ANKS1B: variants seen among roughly 807,000 people sequenced by gnomAD.
ANKS1B encodes ankyrin repeat and sterile alpha motif domain containing 1B.
A neutral mutation model predicts 148.3 loss-of-function variants in ANKS1B; 36 were observed. The observed-to-expected ratio is 0.24, with a 90% CI of 0.19 to 0.32. ANKS1B has a LOEUF of 0.32. Among genes scored for constraint, ANKS1B ranks in the 10% least tolerant of loss-of-function variants. The pLI is 1.00. For missense variants in ANKS1B, 1,157 were observed against 1,542.6 expected (o/e 0.75, Z 4.19); for synonymous variants, 542 against 560.8 (o/e 0.97, Z 0.47).
rs1330793920 is a variant in ANKS1B at position 99,124,592 on chromosome 12, T to G, written c.2526+29697A>C. 3.3e-5 allele frequency among the ~76,000 whole-genome samples: 5 copies of G among 152,288 alleles called. No homozygotes were observed. In the South Asian group the frequency reaches 1.0e-3, roughly 32 times the overall value. The stretch of plus-strand genomic sequence containing the variant: ...GAGATGTCTGGGCTAAAGATACAAC[T>G]GTAAGAGTCATCAGTTTATAGATGT... On this transcript the variant is annotated intron_variant, in intron 15 of 26. Transcript: ENST00000683438.
At chr12:99,657,468 GC>G (rs1402582628) in intron 8 of ANKS1B, among the ~76,000 whole-genome samples, 2 of 152,034 alleles carry the variant, frequency 1.3e-5, no homozygotes, top group African/African-American at 4.8e-5. Flanking sequence ...AGAGCATTTT[GC>G]CTTCTGTGAC....
intron 15 of ANKS1B, chr12:99,097,384 T>G (rs1371215826): frequency 6.6e-6 from 1 of 152,144 alleles, no homozygotes; most frequent in Non-Finnish European, 1.5e-5. Context: ...AGACATCTGA[T>G]AATCTAAAAG....
intron 1 of ANKS1B, among the ~76,000 whole-genome samples, chr12:99,826,690 T>C (rs2083229442): frequency 6.6e-6 from 1 of 152,200 alleles, no homozygotes; most frequent in South Asian, 2.1e-4. Flanking sequence ...CTTACTTACA[T>C]TACATAGGTT....
chr12:98,841,124 T>C (rs561807078), intron 17 of ANKS1B, among the ~76,000 whole-genome samples: 58 of 152,216 alleles, frequency 3.8e-4, no homozygotes, highest in Non-Finnish European at 7.4e-4. Context: ...GGGTATTTTC[T>C]AACTTTATTT....
chr12:99,584,331 G>A (rs1247494975), intron 9 of ANKS1B, among the ~76,000 whole-genome samples: 1 of 152,172 alleles, frequency 6.6e-6, no homozygotes, highest in Non-Finnish European at 1.5e-5. Context: ...CAGGCACCAT[G>A]GCTCACATCT....
chr12:99,892,097 A>G (rs191343213), intron 1 of ANKS1B, among the ~76,000 whole-genome samples: 1 of 152,194 alleles, frequency 6.6e-6, no homozygotes, highest in Admixed American at 6.5e-5. Context: ...TCCGCCTCCC[A>G]GGTTCAAGCA....
chr12:99,314,489 G>T (rs1443358368), intron 12 of ANKS1B, among the ~76,000 whole-genome samples: 2 of 152,078 alleles, frequency 1.3e-5, no homozygotes, highest in Non-Finnish European at 2.9e-5. Flanking sequence ...AACAAAGCTG[G>T]AGTCATCATG....
intron 1 of ANKS1B, among the ~76,000 whole-genome samples, chr12:99,841,624 G>A (rs987217593): frequency 6.6e-6 from 1 of 152,016 alleles, no homozygotes; most frequent in Non-Finnish European, 1.5e-5. Context: ...TCTAGGATTG[G>A]CACTTTTGTG....
Position 98,784,711 on chromosome 12 carries a change from G to A in ANKS1B, c.3343-2574C>T, listed in dbSNP as rs189846514. On this transcript the variant is annotated intron_variant, in intron 22 of 26. Transcript: ENST00000683438. The stretch of plus-strand genomic sequence containing the variant: ...CTTGAGCTGACATGAAGGCATCAGC[G>A]GTGGTTCCTGTGATGGTACAAAGAT... 2.0e-3 allele frequency among the ~76,000 whole-genome samples: 298 copies of A among 152,258 alleles called. 2 individuals are homozygous for A. Among genetic ancestry groups the A allele is most frequent in the African/African-American group, 7.0e-3 (289 of 41,554 alleles).
chr12:99,793,717 G>A (rs750542700), intron 4 of ANKS1B, among the ~76,000 whole-genome samples: 2 of 151,816 alleles, frequency 1.3e-5, no homozygotes, highest in Non-Finnish European at 2.9e-5. Context: ...CTCTGAAACT[G>A]CTACCAAAAA....
chr12:98,856,248 A>C (rs1304722131), intron 17 of ANKS1B, among the ~76,000 whole-genome samples: 1 of 152,214 alleles, frequency 6.6e-6, no homozygotes, highest in African/African-American at 2.4e-5. Flanking sequence ...TCTGCCAGAA[A>C]TTATAGCTAT....
chr12:99,455,733 C>A (rs568712368), intron 10 of ANKS1B, among the ~76,000 whole-genome samples: 2 of 152,180 alleles, frequency 1.3e-5, no homozygotes, highest in African/African-American at 2.4e-5. Flanking sequence ...CTGGGAACTG[C>A]AACCCCACCC....
At chr12:99,246,177 CT>C in intron 13 of ANKS1B, 97 bp downstream of exon 13, 4 of 851,804 alleles carry the variant, frequency 4.7e-6, no homozygotes, top group Non-Finnish European at 6.7e-6. Context: ...TTTTTTTTTT[CT>C]TGCTTTTGAA....
intron 1 of ANKS1B, among the ~76,000 whole-genome samples, chr12:99,847,528 G>A (rs1004991606): frequency 1.3e-5 from 2 of 152,136 alleles, no homozygotes; most frequent in Non-Finnish European, 2.9e-5. Context: ...TCACAGAGAG[G>A]TCAAGAAGAA....
intron 8 of ANKS1B, among the ~76,000 whole-genome samples, chr12:99,730,479 AC>A (rs1270971460): frequency 6.6e-6 from 1 of 152,140 alleles, no homozygotes; most frequent in Non-Finnish European, 1.5e-5. Flanking sequence ...AGAGTACAAC[AC>A]TCACTTTACA....
chr12:99,212,955 C>G (rs1403489885), intron 14 of ANKS1B, among the ~76,000 whole-genome samples: 2 of 152,220 alleles, frequency 1.3e-5, no homozygotes, highest in African/African-American at 2.4e-5. Context: ...GATGAAGGTC[C>G]TTTCCCAGAG....
At chr12:99,184,616 T>C (rs919253018) in intron 14 of ANKS1B, among the ~76,000 whole-genome samples, 5 of 152,236 alleles carry the variant, frequency 3.3e-5, no homozygotes, top group African/African-American at 9.6e-5. Flanking sequence ...AAAACACCTA[T>C]AGATAGCATA....
intron 11 of ANKS1B, among the ~76,000 whole-genome samples, chr12:99,400,360 T>C (rs1462029409): frequency 6.8e-6 from 1 of 146,228 alleles, no homozygotes; most frequent in Non-Finnish European, 1.5e-5. Context: ...TTTTCTAAGA[T>C]CTAAGAATAT....
intron 10 of ANKS1B, among the ~76,000 whole-genome samples, chr12:99,463,719 G>A: frequency 6.6e-6 from 1 of 152,196 alleles, no homozygotes; most frequent in East Asian, 1.9e-4. Flanking sequence ...AAACTGCAAG[G>A]TGGCAGCGAG....
Sources: gnomAD v4.1 joint callset for allele counts (sites outside exome capture counted in the v4.1 genomes callset) on GRCh38, gnomAD v4.1.1 for gene constraint, MANE v1.5 for transcripts, NCBI Gene and HGNC (gene_info 2026-07-23, HGNC 2026-07-21) for gene names.